Variants in EDEM2 observed in about 807,000 individuals in gnomAD.
EDEM2 encodes the protein ER degradation-enhancing alpha-mannosidase-like protein 2.
A neutral mutation model predicts 64.8 loss-of-function variants in EDEM2; 39 were observed. The ratio of observed to expected loss-of-function variants is 0.60; its 90% CI spans 0.47 to 0.79. The LOEUF (loss-of-function observed/expected upper bound fraction) is 0.79, where lower values mean the gene tolerates loss of function less well. Among genes scored for constraint, EDEM2 ranks in the 30% least tolerant of loss-of-function variants. The probability of loss-of-function intolerance (pLI) is 0.00; values close to 1 mark genes in which losing one functional copy is unlikely to be tolerated. For missense variants in EDEM2, 609 were observed against 731.3 expected, an observed-to-expected ratio of 0.83 and a Z score of 1.93; for synonymous variants, 296 against 291.5, an observed-to-expected ratio of 1.02 and a Z score of -0.16.
chr20:35,123,978 T>C lies in EDEM2; in HGVS notation c.1026A>G (p.Val342=). 1 of 1,614,190 alleles carries C rather than the reference T, an allele frequency of 6.2e-7. No homozygotes were observed. The highest frequency in any genetic ancestry group is 8.5e-7 in the Non-Finnish European group (1 of 1,180,012). Residue 342 remains valine, a synonymous_variant, in exon 9 of 11, where the codon GTA becomes GTG. Coordinates refer to ENST00000374492, the MANE Select transcript of EDEM2 (RefSeq NM_018217.3). ...CCGGGAGCCCCCCAAACTGCTTCCA[T>C]ACAGTGTAGTAGTTGAGGAAGGTCC... ...AMRTFLNYYT[V]WKQFGGLPEF...
chr20:35,130,916 T>A lies in EDEM2; in HGVS notation c.844+726A>T, dbSNP rs534403722. 1.5e-3 allele frequency among the ~76,000 whole-genome samples: 227 copies of A among 152,312 alleles called. 1 individual carries two copies. The highest frequency in any genetic ancestry group is 2.2e-3 in the Non-Finnish European group (152 of 68,036). On this transcript the variant is annotated intron_variant, in intron 7 of 10. Transcript: ENST00000374492. ...AACATAAGATGAGTAAGGCATGGAT[T>A]CTGCATTCAATTTGTAGAGCTGTAA... is the stretch of plus-strand genomic sequence containing the variant.
At chr20:35,138,609 T>C (rs2085610237) in intron 4 of EDEM2, among the ~76,000 whole-genome samples, 1 of 151,082 alleles carries the variant, frequency 6.6e-6, no homozygotes, top group Admixed American at 6.6e-5. Flanking sequence ...AGACGGAGTC[T>C]CGCTCTGTCA....
At chr20:35,144,834 C>T (rs1195097766) in intron 3 of EDEM2, 145 bp downstream of exon 3, 5 of 873,692 alleles carry the variant, frequency 5.7e-6, no homozygotes, top group Admixed American at 5.6e-5. Flanking sequence ...AGCTAGGCAA[C>T]CACAGCCGGA....
chr20:35,141,383 C>T (rs867363642), intron 4 of EDEM2, among the ~76,000 whole-genome samples: 1 of 152,114 alleles, frequency 6.6e-6, no homozygotes, highest in Non-Finnish European at 1.5e-5. Flanking sequence ...ATATTCCTAT[C>T]AGAAATAAAG....
chr20:35,133,466 C>T (rs1189885007), intron 6 of EDEM2, among the ~76,000 whole-genome samples: 1 of 150,504 alleles, frequency 6.6e-6, no homozygotes. Flanking sequence ...TCCAGCGGGG[C>T]ACCTTTTTTT....
chr20:35,124,501 A>C (rs1319168931), intron 8 of EDEM2, among the ~76,000 whole-genome samples: 2 of 152,120 alleles, frequency 1.3e-5, no homozygotes, highest in Admixed American at 6.5e-5. Flanking sequence ...CCTGGGCTCA[A>C]GAGATCCTCT....
chr20:35,144,927 G>A, intron 3 of EDEM2, 52 bp downstream of exon 3: 1 of 1,586,758 alleles, frequency 6.3e-7, no homozygotes, highest in Non-Finnish European at 8.6e-7. Flanking sequence ...AAAAGAGGAA[G>A]GATGTTGGTT....
At chr20:35,130,593 GCCTCAAACAATCCTCA>G (rs2085494439) in intron 7 of EDEM2, among the ~76,000 whole-genome samples, 1 of 151,978 alleles carries the variant, frequency 6.6e-6, no homozygotes, top group Admixed American at 6.6e-5. Context: ...CAAACTCCTG[GCCTCAAACAATCCTCA>G]CTTCCAAAAA....
chr20:35,115,583 T>A lies in EDEM2; in HGVS notation c.1587A>T (p.Ala529=). Residue 529 remains alanine (A), a synonymous_variant, in exon 11 of 11, where the codon GCA becomes GCT. Transcript: ENST00000374492. ...CTGGTGAGAAGAGTGTTCCTGGCCT[T>A]GCTGGAGGTTCCCATGGCCCCGAAC... ...TVSSGPWEPP[A]RPGTLFSPEN... The A allele has an allele frequency of 6.2e-7, 1 of 1,613,892 alleles. No individual in the cohort carries two copies. The highest frequency in any genetic ancestry group is 8.5e-7 in the Non-Finnish European group (1 of 1,180,030).
chr20:35,116,426 C>T (rs75472974), intron 10 of EDEM2, among the ~76,000 whole-genome samples: 1,924 of 152,270 alleles, frequency 0.013, 46 homozygotes, highest in African/African-American at 0.043. Flanking sequence ...TCCCTTCCTG[C>T]CCTCACCTCT....
rs969734955 is a variant in EDEM2 at position 35,147,324 on chromosome 20, C to A, written c.-66G>T. The A allele has an allele frequency of 5.7e-6, 8 of 1,398,086 alleles. No homozygotes were observed. The highest frequency in any genetic ancestry group is 7.5e-6 in the Non-Finnish European group (8 of 1,070,066). The allele number at this position is 1,398,086 out of a possible 1,614,324, so 86.6% of individuals were successfully genotyped here. On this transcript the variant is annotated 5_prime_UTR_variant, in exon 1 of 11. Coordinates refer to ENST00000374492, the MANE Select transcript of EDEM2 (RefSeq NM_018217.3). ...CACTGCAACCAGTTCATCCTGGGAG[C>A]TGCTGCGGGTTCTTCCGGGAATCCG... is the stretch of plus-strand genomic sequence containing the variant.
chr20:35,137,610 A>T (rs73903018), intron 5 of EDEM2, among the ~76,000 whole-genome samples: 4,943 of 152,204 alleles, frequency 0.032, 273 homozygotes, highest in African/African-American at 0.11. Flanking sequence ...AAATAAGGGT[A>T]ATGGCCTTCC....
At chr20:35,139,594 G>T (rs1482506308) in intron 4 of EDEM2, among the ~76,000 whole-genome samples, 1 of 150,602 alleles carries the variant, frequency 6.6e-6, no homozygotes, top group African/African-American at 2.4e-5. Context: ...AGGTTGCAGT[G>T]AGCTGAGATC....
chr20:35,135,038 C>T lies in EDEM2; in HGVS notation c.491-89G>A, dbSNP rs1223055400. 5 of 1,276,254 alleles carry T rather than the reference C, an allele frequency of 3.9e-6. No individual in the cohort carries two copies. In the East Asian group the frequency reaches 1.2e-4, roughly 30 times the overall value. The allele number at this position is 1,276,254 out of a possible 1,614,324, so 79.1% of individuals were successfully genotyped here. ...GCCCAAAGCCTGGGACCTTAGCCAGCACTTCCCTCTTTCTCCTGGGTATCC... is the reference window on the plus strand; with the variant it reads ...GCCCAAAGCCTGGGACCTTAGCCAGTACTTCCCTCTTTCTCCTGGGTATCC... On this transcript the variant is annotated intron_variant, in intron 5 of 10. Coordinates refer to ENST00000374492, the MANE Select transcript of EDEM2 (RefSeq NM_018217.3).
intron 7 of EDEM2, 68 bp downstream of exon 7, chr20:35,131,573 AG>A (rs1242799126): frequency 6.3e-7 from 1 of 1,575,736 alleles, no homozygotes; most frequent in Non-Finnish European, 8.7e-7. Context: ...CTCAAAAAAA[AG>A]TTTTTAAACA....
Position 35,115,852 on chromosome 20 carries a change from G to A in EDEM2, c.1318C>T (p.Leu440=). 6.2e-7 allele frequency: 1 copy of A among 1,614,222 alleles called. No homozygotes were observed. The highest frequency in any genetic ancestry group is 8.5e-7 in the Non-Finnish European group (1 of 1,180,034). Residue 440 remains leucine, a synonymous_variant, in exon 11 of 11, where the codon CTG becomes TTG. Coordinates refer to ENST00000374492, the MANE Select transcript of EDEM2 (RefSeq NM_018217.3). The part of the protein sequence containing the change: ...LAETVKYLYL[L]FDPTNFIHNN... ...TGGATGAAGTTGGTTGGGTCAAACA[G>A]GAGGTAGAGGTATTTCACAGTCTCG... is the stretch of plus-strand genomic sequence containing the variant.
chr20:35,129,697 CCACT>C lies in EDEM2; in HGVS notation c.844+1941_844+1944del, dbSNP rs992381393. 2.0e-4 allele frequency among the ~76,000 whole-genome samples: 30 copies of C among 152,258 alleles called. 1 individual carries two copies. Among genetic ancestry groups the C allele is most frequent in the African/African-American group, 6.3e-4 (26 of 41,548 alleles). On this transcript the variant is annotated intron_variant, in intron 7 of 10. Transcript: ENST00000374492. ...TGTCCTAGACCTTGACATTCACTCA[CCACT>C]CACTGACTCACCCAGAGCAACTTCC...
intron 3 of EDEM2, among the ~76,000 whole-genome samples, chr20:35,143,726 C>CT (rs938168552): frequency 4.0e-5 from 6 of 151,708 alleles, no homozygotes; most frequent in African/African-American, 1.2e-4. Context: ...CAGTCCAAGT[C>CT]TTTTTTTTGA....
rs113917793 is a variant in EDEM2, at chr20:35,120,585, G to A, written c.1115-1866C>T. Among the ~76,000 whole-genome samples the A allele has an allele frequency of 9.7e-5, 14 of 144,298 alleles. No individual in the cohort carries two copies. The East Asian group carries it at 1.9e-3, about 19-fold the overall frequency. The allele number at this position is 144,298 out of a possible 152,430, so 94.7% of individuals were successfully genotyped here. A position where few individuals can be genotyped will look rare whatever the true frequency, so the allele number is the denominator to read the frequency against. ...GGCCTCCTCTTCTGCTTCTTTTTTC[G>A]GCTTCTTCTTTTTTTTTTTTTTTTT... On this transcript the variant is annotated intron_variant, in intron 9 of 10. Transcript: ENST00000374492.
Sources: allele counts gnomAD v4.1 joint callset (sites outside exome capture counted in the v4.1 genomes callset), GRCh38; gene constraint gnomAD v4.1.1; transcripts MANE v1.5; gene names NCBI Gene and HGNC (gene_info 2026-07-23, HGNC 2026-07-21).